KLC1: variants seen among roughly 807,000 people sequenced by gnomAD.
The protein encoded by KLC1 is kinesin light chain 1.
A neutral mutation model predicts 84.2 loss-of-function variants in KLC1; 30 were observed. That is an observed-to-expected ratio of 0.36 (90% CI 0.27 to 0.48). The LOEUF (loss-of-function observed/expected upper bound fraction) is 0.48. Among genes scored for constraint, KLC1 ranks in the 20% least tolerant of loss-of-function variants. The pLI, the probability that KLC1 is intolerant of heterozygous loss-of-function variation, is 0.99. For synonymous variants in KLC1, 289 were observed against 293.3 expected (o/e 0.99, Z 0.15); for missense variants, 499 against 805.4 (o/e 0.62, Z 4.60).
intron 13 of KLC1, 164 bp from the exon 14 acceptor site, chr14:103,686,917 A>G (rs2081812764): frequency 2.8e-6 from 1 of 361,260 alleles, no homozygotes; most frequent in South Asian, 6.0e-5. Flanking sequence ...TAGTTAAAGT[A>G]TATTCACGTA....
At chr14:103,685,738 T>A in intron 13 of KLC1, 1 of 1,288,450 alleles carries the variant, frequency 7.8e-7, no homozygotes, top group South Asian at 1.2e-5. Flanking sequence ...TCTAGCAGCC[T>A]CTAGGATCTT....
At chr14:103,663,700 G>C (rs1202443923) in intron 5 of KLC1, among the ~76,000 whole-genome samples, 1 of 152,170 alleles carries the variant, frequency 6.6e-6, no homozygotes, top group African/African-American at 2.4e-5. Context: ...CCCCGGGGGA[G>C]TGGTGGGCTC....
At position 103,701,284 on chromosome 14, in the gene KLC1, GC is replaced by G. The variant is rs2083179510; in HGVS notation, c.*89del. On this transcript the variant is annotated 3_prime_UTR_variant, in exon 17 of 17. Transcript: ENST00000334553. ...CGGGACAGCCAGGGCGGCAGGGAGGGCCCCTGGCCGGGAGCCGCAGCGCTCA... is the reference window on the plus strand; with the variant it reads ...CGGGACAGCCAGGGCGGCAGGGAGGGCCCTGGCCGGGAGCCGCAGCGCTCA... 9 of 1,454,704 alleles carry G rather than the reference GC, an allele frequency of 6.2e-6. No individual in the cohort carries two copies. The Middle Eastern group carries it at 5.4e-4, about 87-fold the overall frequency. The allele number at this position is 1,454,704 out of a possible 1,614,324, so 90.1% of individuals were successfully genotyped here.
At chr14:103,647,233 T>A (rs1301213112) in intron 1 of KLC1, among the ~76,000 whole-genome samples, 1 of 152,058 alleles carries the variant, frequency 6.6e-6, no homozygotes, top group Non-Finnish European at 1.5e-5. Context: ...TTTTTATTTT[T>A]ATTTTTTTGA....
At chr14:103,658,168 A>G (rs1595386268) in intron 3 of KLC1, among the ~76,000 whole-genome samples, 1 of 152,018 alleles carries the variant, frequency 6.6e-6, no homozygotes, top group Non-Finnish European at 1.5e-5. Flanking sequence ...TCTGGACACC[A>G]CCTGGCTCTC....
chr14:103,687,519 G>A (rs1308652926), intron 14 of KLC1: 1 of 161,072 alleles, frequency 6.2e-6, no homozygotes, highest in Non-Finnish European at 1.4e-5. Flanking sequence ...ATATTAAAAT[G>A]TTGAGCATTT....
chr14:103,636,844 T>TA (rs2077081372), intron 1 of KLC1, among the ~76,000 whole-genome samples: 1 of 151,868 alleles, frequency 6.6e-6, no homozygotes, highest in Non-Finnish European at 1.5e-5. Context: ...TGCCTCAGCC[T>TA]CTGGAGTAGC....
At chr14:103,695,313 G>A (rs1024649092) in intron 15 of KLC1, 23 of 499,492 alleles carry the variant, frequency 4.6e-5, no homozygotes, top group South Asian at 8.1e-5. Flanking sequence ...AAAACCATGT[G>A]TATATATATA....
At chr14:103,698,871 A>T (rs1479692092) in intron 15 of KLC1, 1 of 1,607,200 alleles carries the variant, frequency 6.2e-7, no homozygotes, top group African/African-American at 1.3e-5. Flanking sequence ...GGAGGGGGGC[A>T]GGTGGGGGGC....
chr14:103,669,705 G>A (rs111267364), intron 6 of KLC1, 107 bp downstream of exon 6: 2 of 781,316 alleles, frequency 2.6e-6, no homozygotes, highest in Non-Finnish European at 4.4e-6. Context: ...TTTAAGTGCT[G>A]CCTTTTCCCT....
At chr14:103,656,034 T>A (rs1282035153) in intron 2 of KLC1, among the ~76,000 whole-genome samples, 1 of 152,246 alleles carries the variant, frequency 6.6e-6, no homozygotes, top group Non-Finnish European at 1.5e-5. Context: ...CTCAGGTTCC[T>A]AACATCTGCC....
rs540991245 is a variant in KLC1, at chr14:103,665,912, T to C, written c.797+2985T>C. On this transcript the variant is annotated intron_variant, in intron 5 of 16. Coordinates refer to ENST00000334553, the MANE Select transcript of KLC1 (RefSeq NM_001394837.1). Reference sequence around the variant, plus strand: ...CTATTCCGTTGGTGGAGATAGAGTATGCATTGTGTTTTAATTTGTATTTCT... The same window carrying C: ...CTATTCCGTTGGTGGAGATAGAGTACGCATTGTGTTTTAATTTGTATTTCT... 2.9e-4 allele frequency among the ~76,000 whole-genome samples: 40 copies of C among 138,974 alleles called. 1 individual carries two copies. The highest frequency in any genetic ancestry group is 9.1e-4 in the African/African-American group (33 of 36,310). 91.2% of individuals were successfully genotyped at this position (138,974 alleles called of 152,430 possible).
At chr14:103,700,005 A>C (rs1595633314) in intron 15 of KLC1, 1 of 275,506 alleles carries the variant, frequency 3.6e-6, no homozygotes, top group Non-Finnish European at 7.2e-6. Context: ...GACCACCCAA[A>C]CCTGGCCACA....
rs891086110 is a variant in KLC1, at chr14:103,673,085, C to A, written c.1059C>A (p.Gly353=). 4 of 1,613,696 alleles carry A rather than the reference C, an allele frequency of 2.5e-6. No homozygotes were observed. Among genetic ancestry groups the A allele is most frequent in the Non-Finnish European group, 2.5e-6 (3 of 1,179,952 alleles). ...TGGCCTTACTGTGCCAGAACCAGGGCAAGTATGAAGAAGTAGAATATTATT... is the reference window on the plus strand; with the variant it reads ...TGGCCTTACTGTGCCAGAACCAGGGAAAGTATGAAGAAGTAGAATATTATT... ...NNLALLCQNQ[G]KYEEVEYYYQ... is the part of the protein sequence containing the mutation. Residue 353 remains glycine, a synonymous_variant, in exon 8 of 17, where the codon GGC becomes GGA. Coordinates refer to ENST00000334553, the MANE Select transcript of KLC1 (RefSeq NM_001394837.1).
intron 14 of KLC1, among the ~76,000 whole-genome samples, chr14:103,691,042 T>TG (rs2082077219): frequency 6.6e-6 from 1 of 152,152 alleles, no homozygotes; most frequent in Non-Finnish European, 1.5e-5. Flanking sequence ...GAGTTTTGAG[T>TG]GTCTCTTCAT....
intron 1 of KLC1, among the ~76,000 whole-genome samples, chr14:103,651,987 G>T (rs1001229228): frequency 7.9e-5 from 12 of 152,176 alleles, no homozygotes; most frequent in African/African-American, 2.9e-4. Context: ...CTGCTAGCTT[G>T]CATGTCCCCA....
chr14:103,664,890 G>A (rs1026857098), intron 5 of KLC1, among the ~76,000 whole-genome samples: 3 of 147,132 alleles, frequency 2.0e-5, no homozygotes, highest in African/African-American at 7.6e-5. Flanking sequence ...GGACAGCACT[G>A]GATATTATTA....
Position 103,662,188 on chromosome 14 carries a change from C to T in KLC1, c.565C>T (p.Gln189Ter). The T allele has an allele frequency of 6.2e-7, 1 of 1,611,428 alleles. No individual in the cohort carries two copies. The highest frequency in any genetic ancestry group is 8.5e-7 in the Non-Finnish European group (1 of 1,177,636). The change falls in exon 4 of 17, where the codon CAA becomes TAA. Residue 189 changes from glutamine to a stop codon, truncating the protein, a stop_gained. Coordinates refer to ENST00000334553, the MANE Select transcript of KLC1 (RefSeq NM_001394837.1). LOFTEE classifies it high-confidence loss of function. ...CCCCAATGATGAAGACGACCCAGGG[C>T]AAGGAAGTGAGTGATGGGTGATGCA... is the stretch of plus-strand genomic sequence containing the variant. Reference protein sequence around the residue: ...LFPNDEDDPGQGIQQQHSSAA... With the variant: ...LFPNDEDDPG
intron 13 of KLC1, chr14:103,684,922 T>C (rs371563830): frequency 2.3e-5 from 17 of 743,328 alleles, no homozygotes; most frequent in Non-Finnish European, 3.2e-5. Flanking sequence ...CAAAAACTTA[T>C]GTTTTCTTGT....
Sources: gnomAD v4.1 joint callset for allele counts (sites outside exome capture counted in the v4.1 genomes callset) on GRCh38, gnomAD v4.1.1 for gene constraint, MANE v1.5 for transcripts, NCBI Gene and HGNC (gene_info 2026-07-23, HGNC 2026-07-21) for gene names.